The following KCNQ2 variants were observed in gnomAD, a reference collection of about 807,000 sequenced individuals.
The protein encoded by KCNQ2 is potassium voltage-gated channel subfamily Q member 2.
KCNQ2 carries 14 observed loss-of-function variants against 84.8 expected under a neutral mutation model. The ratio of observed to expected loss-of-function variants is 0.17; its 90% CI spans 0.11 to 0.26. The LOEUF is 0.26. Among genes scored for constraint, KCNQ2 ranks in the 10% least tolerant of loss-of-function variants. KCNQ2 has a pLI of 1.00. For synonymous variants in KCNQ2, 599 were observed against 554.1 expected (o/e 1.08, Z -1.14); for missense variants, 788 against 1,254.0 (o/e 0.63, Z 5.61).
At chr20:63,415,553 G>A (rs1405904910) in intron 12 of KCNQ2, among the ~76,000 whole-genome samples, 4 of 151,450 alleles carry the variant, frequency 2.6e-5, no homozygotes, top group East Asian at 2.0e-4. Flanking sequence ...AGCACCCGGC[G>A]GGAGGGAGGG....
intron 10 of KCNQ2, among the ~76,000 whole-genome samples, chr20:63,426,734 C>A (rs530107428): frequency 6.6e-6 from 1 of 152,218 alleles, no homozygotes; most frequent in East Asian, 1.9e-4. Flanking sequence ...ACAAGGACAG[C>A]CTTCCCTCCA....
chr20:63,443,099 T>TCACCACCATCAC (rs139636562), intron 4 of KCNQ2, among the ~76,000 whole-genome samples: 4 of 59,234 alleles, frequency 6.8e-5, no homozygotes, highest in East Asian at 8.3e-4. Flanking sequence ...ATCACCACCA[T>TCACCACCATCAC]CACCATCACC....
rs1266457198 is a variant in KCNQ2 at position 63,407,199 on chromosome 20, C to T, written c.2064G>A (p.Lys688=). 3 of 1,606,246 alleles carry T rather than the reference C, an allele frequency of 1.9e-6. No individual in the cohort carries two copies. The Admixed American group carries it at 5.0e-5, about 27-fold the overall frequency. ...EHVDRHGCIV[K]IVRSSSSTGQ... ...CCGTGGAGCTGCTGGAGCGCACGAT[C>T]TTGACAATGCAGCCGTGCCTGTCGA... Residue 688 remains lysine (K), a synonymous_variant, in exon 17 of 17, where the codon AAG becomes AAA. Coordinates refer to ENST00000359125, the MANE Select transcript of KCNQ2 (RefSeq NM_172107.4). This position sits in a 1 kb window ranked among gnomAD's most constrained non-coding sequence, Gnocchi z 7.2.
chr20:63,421,690 C>T (rs970324491), intron 11 of KCNQ2, among the ~76,000 whole-genome samples: 3 of 152,062 alleles, frequency 2.0e-5, no homozygotes, highest in South Asian at 2.1e-4. Context: ...CGAACAGGCA[C>T]GGGGGAGCCC....
chr20:63,415,205 T>C (rs2080252475), intron 12 of KCNQ2, 79 bp from the exon 13 acceptor site: 3 of 1,312,908 alleles, frequency 2.3e-6, no homozygotes, highest in Non-Finnish European at 2.1e-6. Flanking sequence ...CCGTGTCTGC[T>C]CATGGCCGAC....
Position 63,408,596 on chromosome 20 carries a change from T to C in KCNQ2, c.1764-60A>G. On this transcript the variant is annotated intron_variant, in intron 15 of 16. Coordinates refer to ENST00000359125, the MANE Select transcript of KCNQ2 (RefSeq NM_172107.4). The surrounding 1 kb of genome is among the most constrained non-coding windows in gnomAD (Gnocchi z 5.0). ...GGTGGGTGCAGCAGGGCCCCTGCCC[T>C]CTCCTCCTGGACCAGGCCACAGTGC... The C allele has an allele frequency of 1.3e-6, 2 of 1,591,168 alleles. No homozygotes were observed. Among genetic ancestry groups the C allele is most frequent in the Non-Finnish European group, 1.7e-6 (2 of 1,171,920 alleles).
At chr20:63,424,444 G>A (rs1041644498) in intron 10 of KCNQ2, 85 of 587,358 alleles carry the variant, frequency 1.4e-4, no homozygotes, top group Middle Eastern at 1.3e-3. Context: ...CCATGGGGCG[G>A]GGGCCTCTGC....
At chr20:63,432,119 CACCCTCAGGGAAGG>C (rs2080819437) in intron 8 of KCNQ2, among the ~76,000 whole-genome samples, 2 of 149,638 alleles carry the variant, frequency 1.3e-5, no homozygotes, top group East Asian at 2.0e-4. Context: ...GGGAAGGCCC[CACCCTCAGGGAAGG>C]ATCCACCCAC....
intron 7 of KCNQ2, chr20:63,434,673 C>A (rs2080935941): frequency 6.6e-6 from 1 of 152,224 alleles, no homozygotes; most frequent in East Asian, 1.9e-4. Context: ...CCGCCCCGGG[C>A]ATTTCCTGCC....
chr20:63,443,170 A>C (rs2081283968), intron 4 of KCNQ2, among the ~76,000 whole-genome samples: 1 of 77,666 alleles, frequency 1.3e-5, no homozygotes, highest in Non-Finnish European at 2.6e-5. Flanking sequence ...CACCACCATC[A>C]CATCACCATC....
chr20:63,446,455 G>A lies in KCNQ2; in HGVS notation c.387+292C>T, dbSNP rs1024572867. On this transcript the variant is annotated intron_variant, in intron 2 of 16. Coordinates refer to ENST00000359125, the MANE Select transcript of KCNQ2 (RefSeq NM_172107.4). This position sits in a 1 kb window ranked among gnomAD's most constrained non-coding sequence, Gnocchi z 5.5. ...CGGCTCCAGAGATAAAGTGGGGATG[G>A]GAAAGGGAGGGTGGCCCACCCAGGG... is the stretch of plus-strand genomic sequence containing the variant. Among the ~76,000 whole-genome samples the A allele has an allele frequency of 2.8e-4, 43 of 152,330 alleles. No individual in the cohort carries two copies. The highest frequency in any genetic ancestry group is 9.9e-4 in the African/African-American group (41 of 41,586).
At chr20:63,431,998 T>TCAGGGAAGGCCCCATCCA (rs2080810047) in intron 8 of KCNQ2, among the ~76,000 whole-genome samples, 4 of 62,544 alleles carry the variant, frequency 6.4e-5, no homozygotes, top group Admixed American at 3.6e-4. Flanking sequence ...GGCCCCACCC[T>TCAGGGAAGGCCCCATCCA]CAGGGAAGGC....
rs1318823828 is a variant in KCNQ2, at chr20:63,442,283, G to C, written c.816+123C>G. 4 of 1,317,628 alleles carry C rather than the reference G, an allele frequency of 3.0e-6. No individual in the cohort carries two copies. The East Asian group carries it at 1.3e-4, about 43-fold the overall frequency. The allele number at this position is 1,317,628 out of a possible 1,614,324, so 81.6% of individuals were successfully genotyped here. On this transcript the variant is annotated intron_variant, in intron 5 of 16. Transcript: ENST00000359125. ...TCGACCACAAGCCATCATGACCACG[G>C]GCAGCCAGCAGGTGGCCCCAAAGAG...
chr20:63,409,736 C>A (rs1434249345), intron 15 of KCNQ2, among the ~76,000 whole-genome samples: 1 of 152,090 alleles, frequency 6.6e-6, no homozygotes, highest in Non-Finnish European at 1.5e-5. Context: ...GCCCTACCTG[C>A]CTCTGATGGT....
At chr20:63,432,992 G>T (rs574740769) in intron 8 of KCNQ2, among the ~76,000 whole-genome samples, 4 of 152,326 alleles carry the variant, frequency 2.6e-5, no homozygotes, top group Non-Finnish European at 5.9e-5. Context: ...CCACCTCAGA[G>T]CAGAGGGCGG....
chr20:63,468,269 G>A (rs970716523), intron 1 of KCNQ2, among the ~76,000 whole-genome samples: 3 of 152,190 alleles, frequency 2.0e-5, no homozygotes, highest in African/African-American at 2.4e-5. Context: ...GAATGTGGCC[G>A]TTCAAGCACT....
At chr20:63,451,224 C>T (rs1462002981) in intron 1 of KCNQ2, among the ~76,000 whole-genome samples, 1 of 152,058 alleles carries the variant, frequency 6.6e-6, no homozygotes, top group Non-Finnish European at 1.5e-5. Flanking sequence ...GTCCTCCGTG[C>T]TCAGTTCTCC....
At chr20:63,445,503 C>CCCCCAACGGG in intron 2 of KCNQ2, 139 bp from the exon 3 acceptor site, 1 of 857,386 alleles carries the variant, frequency 1.2e-6, no homozygotes, top group Non-Finnish European at 1.8e-6. Context: ...GCAAGCTGAC[C>CCCCCAACGGG]CCCCCACCCC....
intron 7 of KCNQ2, among the ~76,000 whole-genome samples, chr20:63,437,128 T>C (rs2081032550): frequency 6.6e-6 from 1 of 152,186 alleles, no homozygotes; most frequent in African/African-American, 2.4e-5. Context: ...TTTGTGTGAC[T>C]CGCTTTATTG....
Sources: gnomAD v4.1 joint callset for allele counts (sites outside exome capture counted in the v4.1 genomes callset) on GRCh38, gnomAD v4.1.1 for gene constraint, Gnocchi (gnomAD v3.1) non-coding constraint, MANE v1.5 for transcripts, NCBI Gene and HGNC (gene_info 2026-07-23, HGNC 2026-07-21) for gene names.